DNAH6: variants seen among roughly 807,000 people sequenced by gnomAD.
The protein encoded by DNAH6 is axonemal beta dynein heavy chain 6.
In DNAH6, 340 loss-of-function variants were observed where a neutral mutation model predicts 491.4. The ratio of observed to expected loss-of-function variants is 0.69; its 90% confidence interval spans 0.63 to 0.76. The LOEUF (loss-of-function observed/expected upper bound fraction) is 0.76, where lower values mean the gene tolerates loss of function less well. DNAH6 is among the 30% of genes least tolerant of loss of function. The pLI, the probability that DNAH6 is intolerant of heterozygous loss-of-function variation, is 0.00. For synonymous variants in DNAH6, 1,603 were observed against 1,686.1 expected, an observed-to-expected ratio of 0.95 and a Z score of 1.21; for missense variants, 4,443 against 4,972.2, an observed-to-expected ratio of 0.89 and a Z score of 3.20.
At chr2:84,642,481 G>A (rs1403755760) in intron 33 of DNAH6, among the ~76,000 whole-genome samples, 1 of 152,136 alleles carries the variant, frequency 6.6e-6, no homozygotes, top group Non-Finnish European at 1.5e-5. Context: ...CTCATGGAAA[G>A]CAACAGTCCC....
intron 64 of DNAH6, among the ~76,000 whole-genome samples, chr2:84,780,518 A>G (rs1013653385): frequency 6.6e-6 from 1 of 152,090 alleles, no homozygotes; most frequent in Non-Finnish European, 1.5e-5. Context: ...TAGCTATGTC[A>G]TCTTTCAACT....
chr2:84,764,373 T>TAA (rs1355515432), intron 64 of DNAH6, among the ~76,000 whole-genome samples: 2 of 152,146 alleles, frequency 1.3e-5, no homozygotes, highest in African/African-American at 2.4e-5. Context: ...AATGAGCATA[T>TAA]GAAAAGATGT....
chr2:84,806,367 C>A (rs1679408964), intron 71 of DNAH6, among the ~76,000 whole-genome samples: 1 of 152,136 alleles, frequency 6.6e-6, no homozygotes, highest in Non-Finnish European at 1.5e-5. Context: ...TGCCTGTAAT[C>A]CTAGCACTTT....
intron 64 of DNAH6, among the ~76,000 whole-genome samples, chr2:84,766,261 A>C (rs1675063681): frequency 1.3e-5 from 2 of 152,224 alleles, no homozygotes; most frequent in African/African-American, 4.8e-5. Flanking sequence ...AAGATTTTCA[A>C]GTATCCATGG....
Position 84,703,452 on chromosome 2 carries a change from G to A in DNAH6, c.8119G>A (p.Asp2707Asn). 1.3e-6 allele frequency: 2 copies of A among 1,549,542 alleles called. No individual in the cohort carries two copies. The highest frequency in any genetic ancestry group is 1.7e-6 in the Non-Finnish European group (2 of 1,145,732). ...TKLLETNILV[D>N]KMKLDLSALE... ...GCTACTAGAAACAAACATACTAGTA[G>A]ATAAAATGAAACTAGATCTTTCAGC... The change falls in exon 50 of 77, where the codon GAT becomes AAT. Residue 2707 changes from aspartate to asparagine, a missense_variant. By Grantham distance (23) the Asp-to-Asn change is conservative. Around this residue, in one of 3 missense-constraint regions of DNAH6, gnomAD observed 2,977 missense variants for 3,296.6 expected, o/e 0.90. Transcript: ENST00000389394.
intron 40 of DNAH6, among the ~76,000 whole-genome samples, chr2:84,672,748 C>A (rs779476883): frequency 6.6e-6 from 1 of 152,104 alleles, no homozygotes; most frequent in Non-Finnish European, 1.5e-5. Flanking sequence ...TATAAGGACA[C>A]CTGTCATACT....
At chr2:84,494,240 G>A in the DNAH6 span, among the ~76,000 whole-genome samples, 1,410 of 152,274 alleles carry the variant, frequency 9.3e-3, 25 homozygotes, top group African/African-American at 0.033. Flanking sequence ...GACACTATTA[G>A]TGGTAGCATA....
the DNAH6 span, among the ~76,000 whole-genome samples, chr2:84,474,035 T>C: frequency 2.0e-5 from 3 of 152,190 alleles, no homozygotes; most frequent in African/African-American, 7.2e-5. Context: ...TGGTTCTTTA[T>C]TATTTATGGC....
At chr2:84,479,349 C>T in the DNAH6 span, among the ~76,000 whole-genome samples, 10 of 152,202 alleles carry the variant, frequency 6.6e-5, no homozygotes, top group African/African-American at 2.4e-4. Context: ...CTGTCTCTAC[C>T]ACTCTCATAC....
intron 10 of DNAH6, among the ~76,000 whole-genome samples, chr2:84,553,426 TTTC>T: frequency 6.8e-6 from 1 of 147,010 alleles, no homozygotes; most frequent in African/African-American, 2.5e-5. Context: ...TCTTTCTTTC[TTTC>T]TTTCTTTTTC....
Position 84,701,329 on chromosome 2 carries a change from A to G in DNAH6, c.8051A>G (p.Gln2684Arg), listed in dbSNP as rs569859089. Residue 2684 changes from glutamine (Q) to arginine (R), a missense_variant, in exon 49 of 77, where the codon CAG (glutamine) becomes CGG (arginine). Physicochemically the swap from Gln to Arg is conservative, Grantham distance 43 (BLOSUM62 1). Coordinates refer to ENST00000389394, the MANE Select transcript of DNAH6 (RefSeq NM_001370.2). ...YLSMLSEKRK[Q>R]IISARDRVKN... ...TCTATGCTGTCTGAAAAAAGGAAGC[A>G]GATTATTTCAGTAGGTTCAATATTA... 1.9e-6 allele frequency: 3 copies of G among 1,548,904 alleles called. No individual in the cohort carries two copies. The Admixed American group carries it at 5.9e-5, about 31-fold the overall frequency.
intron 11 of DNAH6, among the ~76,000 whole-genome samples, chr2:84,560,507 G>A (rs1440890479): frequency 2.7e-5 from 4 of 147,386 alleles, no homozygotes; most frequent in African/African-American, 7.6e-5. Flanking sequence ...TGTGCACAAT[G>A]TGCAGGTTAG....
chr2:84,583,417 G>A (rs1179665581), intron 14 of DNAH6, among the ~76,000 whole-genome samples: 1 of 152,174 alleles, frequency 6.6e-6, no homozygotes, highest in African/African-American at 2.4e-5. Flanking sequence ...ATTTATAAGA[G>A]CTCAGCTCTG....
chr2:84,513,966 G>A (rs1180120062), upstream of DNAH6, among the ~76,000 whole-genome samples: 8 of 152,054 alleles, frequency 5.3e-5, no homozygotes, highest in Admixed American at 5.2e-4. Flanking sequence ...TATTACTGAG[G>A]GGATAATTCT....
chr2:84,792,158 G>A (rs565490818), intron 68 of DNAH6, among the ~76,000 whole-genome samples: 2 of 152,140 alleles, frequency 1.3e-5, no homozygotes, highest in Non-Finnish European at 2.9e-5. Flanking sequence ...TTCCTCTTAT[G>A]TGAGGCCTCT....
At chr2:84,662,784 T>A (rs1691655531) in intron 37 of DNAH6, among the ~76,000 whole-genome samples, 1 of 152,218 alleles carries the variant, frequency 6.6e-6, no homozygotes. Context: ...TTTTGAGATC[T>A]GACAGCAGAC....
the DNAH6 span, among the ~76,000 whole-genome samples, chr2:84,464,915 A>C: frequency 6.6e-6 from 1 of 152,124 alleles, no homozygotes; most frequent in African/African-American, 2.4e-5. Context: ...CATTTTACCC[A>C]GCTCTTATTT....
At position 84,635,730 on chromosome 2, in the gene DNAH6, T is replaced by C. The variant is rs373298797; in HGVS notation, c.4653+1089T>C. Among the ~76,000 whole-genome samples, 19 of 152,178 alleles carry C rather than the reference T, an allele frequency of 1.2e-4. No individual in the cohort carries two copies. In the South Asian group the frequency reaches 2.3e-3, roughly 18 times the overall value. On this transcript the variant is annotated intron_variant, in intron 30 of 76. Transcript: ENST00000389394. ...AAGCTGCCAGTGCCCTATGAGACAG[T>C]TGGGGTGGGGTATACTGTTTAGAAT...
chr2:84,500,268 G>T, the DNAH6 span, among the ~76,000 whole-genome samples: 1 of 152,236 alleles, frequency 6.6e-6, no homozygotes, highest in East Asian at 1.9e-4. Context: ...AGTTTTTCCA[G>T]CATCATTTAT....
Sources: gnomAD v4.1 joint callset for allele counts (sites outside exome capture counted in the v4.1 genomes callset) on GRCh38, gnomAD v4.1.1 for gene constraint, gnomAD v4.1.1 regional missense constraint, MANE v1.5 for transcripts, NCBI Gene and HGNC (gene_info 2026-07-23, HGNC 2026-07-21) for gene names.